The following CHRNA7 variants were observed in gnomAD, a reference collection of about 807,000 sequenced individuals.
CHRNA7 encodes the protein cholinergic receptor nicotinic alpha 7 subunit.
A neutral mutation model predicts 48.0 loss-of-function variants in CHRNA7; 17 were observed. The observed-to-expected ratio is 0.35, with a 90% confidence interval of 0.24 to 0.53. The LOEUF (loss-of-function observed/expected upper bound fraction) is 0.53, where lower values mean the gene tolerates loss of function less well. Among genes scored for constraint, CHRNA7 ranks in the 20% least tolerant of loss-of-function variants. CHRNA7 has a pLI of 0.92. For synonymous variants in CHRNA7, 75 were observed against 242.3 expected (o/e 0.31, Z 6.41); for missense variants, 155 against 577.7 (o/e 0.27, Z 7.50).
intron 2 of CHRNA7, among the ~76,000 whole-genome samples, chr15:32,074,591 C>T (rs1410599969): frequency 1.3e-5 from 2 of 149,968 alleles, no homozygotes; most frequent in African/African-American, 2.4e-5. Flanking sequence ...TCTTGAATTT[C>T]GTCAGATGGT....
intron 4 of CHRNA7, among the ~76,000 whole-genome samples, chr15:32,129,870 C>T (rs1268102629): frequency 6.6e-6 from 1 of 151,868 alleles, no homozygotes; most frequent in Non-Finnish European, 1.5e-5. Context: ...ATTCTTAGCA[C>T]TACCAGCATG....
chr15:32,134,206 T>A (rs2051206336), intron 4 of CHRNA7, among the ~76,000 whole-genome samples: 1 of 151,990 alleles, frequency 6.6e-6, no homozygotes, highest in South Asian at 2.1e-4. Context: ...TCTCCCAGGC[T>A]AGAGTACAGT....
Position 32,101,325 on chromosome 15 carries a change from C to T in CHRNA7, c.218C>T (p.Thr73Ile). Residue 73 changes from threonine (T) to isoleucine (I), a missense_variant, in exon 3 of 10, where the codon ACC (threonine) becomes ATC (isoleucine). By Grantham distance (89) the Thr-to-Ile change is moderately conservative. Transcript: ENST00000306901. ...MDVDEKNQVL[T>I]TNIWLQMSWT... ...AAGGATGAGAAGAACCAAGTTTTAA[C>T]CACCAACATTTGGCTGCAAATGGTA... 1 of 1,571,966 alleles carries T rather than the reference C, an allele frequency of 6.4e-7. No individual in the cohort carries two copies. Among genetic ancestry groups the T allele is most frequent in the Non-Finnish European group, 8.6e-7 (1 of 1,161,734 alleles).
At chr15:32,141,886 T>A (rs2051385959) in intron 4 of CHRNA7, among the ~76,000 whole-genome samples, 1 of 152,234 alleles carries the variant, frequency 6.6e-6, no homozygotes. Context: ...TTTGACTTCC[T>A]CTTTTCCTAT....
chr15:32,062,917 CACTT>C, intron 2 of CHRNA7, among the ~76,000 whole-genome samples: 1 of 152,338 alleles, frequency 6.6e-6, no homozygotes, highest in South Asian at 2.1e-4. Context: ...GCATACTACA[CACTT>C]AGGCTATATG....
chr15:32,113,499 A>C (rs2050797241), intron 4 of CHRNA7, among the ~76,000 whole-genome samples: 1 of 152,196 alleles, frequency 6.6e-6, no homozygotes, highest in South Asian at 2.1e-4. Context: ...GGGTTGAAGA[A>C]GTCTCCGTGT....
chr15:32,053,419 G>A (rs912326784), intron 2 of CHRNA7, among the ~76,000 whole-genome samples: 1 of 152,160 alleles, frequency 6.6e-6, no homozygotes. Context: ...AAGTCATTTG[G>A]CATCTTCTAC....
At chr15:32,063,632 A>C (rs2049915997) in intron 2 of CHRNA7, among the ~76,000 whole-genome samples, 1 of 152,084 alleles carries the variant, frequency 6.6e-6, no homozygotes, top group Non-Finnish European at 1.5e-5. Context: ...GATTGAGCTA[A>C]ATTTTCAGCA....
At chr15:32,137,510 A>G (rs2051293315) in intron 4 of CHRNA7, among the ~76,000 whole-genome samples, 1 of 152,256 alleles carries the variant, frequency 6.6e-6, no homozygotes, top group Non-Finnish European at 1.5e-5. Context: ...TAAGTCCACA[A>G]TTACAGTAGA....
At chr15:32,106,162 A>G (rs1198391452) in intron 3 of CHRNA7, among the ~76,000 whole-genome samples, 2 of 152,180 alleles carry the variant, frequency 1.3e-5, no homozygotes, top group Non-Finnish European at 2.9e-5. Context: ...GAAGCTGGGT[A>G]CTGAAGGCTC....
At chr15:32,038,079 C>T (rs1430078502) in intron 2 of CHRNA7, among the ~76,000 whole-genome samples, 1 of 121,632 alleles carries the variant, frequency 8.2e-6, no homozygotes, top group Non-Finnish European at 1.8e-5. Flanking sequence ...TATAAATATA[C>T]ATATGTACAT....
At chr15:32,124,024 G>A (rs1022696456) in intron 4 of CHRNA7, among the ~76,000 whole-genome samples, 23 of 141,618 alleles carry the variant, frequency 1.6e-4, no homozygotes, top group African/African-American at 6.0e-4. Flanking sequence ...TAGCAGAAAC[G>A]AGTTAAAACA....
In CHRNA7 at chr15:32,118,073, A is replaced by G. The variant is rs2050903611; in HGVS notation, c.350+6174A>G. On this transcript the variant is annotated intron_variant, in intron 4 of 9. Coordinates refer to ENST00000306901, the MANE Select transcript of CHRNA7 (RefSeq NM_000746.6). ...GGGCTCTGCCCTCATGAATGCTTTA[A>G]TCTATTCATGGATTAATGGATCAAT... 2.0e-5 allele frequency among the ~76,000 whole-genome samples: 3 copies of G among 152,188 alleles called. No individual in the cohort carries two copies. The South Asian group carries it at 6.2e-4, about 32-fold the overall frequency.
At chr15:32,136,764 G>A (rs1344145838) in intron 4 of CHRNA7, among the ~76,000 whole-genome samples, 1 of 152,044 alleles carries the variant, frequency 6.6e-6, no homozygotes, top group African/African-American at 2.4e-5. Flanking sequence ...CGGCGCGGTG[G>A]CTGACGCCTG....
intron 2 of CHRNA7, among the ~76,000 whole-genome samples, chr15:32,083,186 T>C (rs998349887): frequency 2.6e-5 from 4 of 152,310 alleles, no homozygotes; most frequent in Middle Eastern, 3.4e-3. Context: ...TAGGAGGTGA[T>C]TAGCTAATAA....
rs559409363 is a variant in CHRNA7, at chr15:32,159,309, T to A, written c.794-260T>A. ...TGAGAGATAATTGTGCCAAGTTAAA[T>A]TTTTCAGTTTGTGTTGATGCTTTTA... On this transcript the variant is annotated intron_variant, in intron 7 of 9. Coordinates refer to ENST00000306901, the MANE Select transcript of CHRNA7 (RefSeq NM_000746.6). 803 of 412,632 alleles carry A rather than the reference T, an allele frequency of 1.9e-3. 3 individuals carry two copies. The highest frequency in any genetic ancestry group is 3.1e-3 in the Non-Finnish European group (674 of 220,096). 25.6% of individuals were successfully genotyped at this position (412,632 alleles called of 1,614,324 possible).
At chr15:32,099,983 C>G (rs2050542876) in intron 2 of CHRNA7, 1 of 152,210 alleles carries the variant, frequency 6.6e-6, no homozygotes. Context: ...CCCAGGCAGC[C>G]CTCTCCTCTC....
At chr15:32,147,934 A>G (rs564647385) in intron 4 of CHRNA7, among the ~76,000 whole-genome samples, 1 of 152,304 alleles carries the variant, frequency 6.6e-6, no homozygotes, top group Admixed American at 6.5e-5. Flanking sequence ...GAATTGGGGA[A>G]TTGGCAGCTT....
chr15:32,037,097 A>G (rs1453368992), intron 2 of CHRNA7, among the ~76,000 whole-genome samples: 1 of 152,156 alleles, frequency 6.6e-6, no homozygotes, highest in Non-Finnish European at 1.5e-5. Context: ...ACTTTGAGTT[A>G]ATTTTTATGA....
Sources: allele counts gnomAD v4.1 joint callset (sites outside exome capture counted in the v4.1 genomes callset), GRCh38; gene constraint gnomAD v4.1.1; transcripts MANE v1.5; gene names NCBI Gene and HGNC (gene_info 2026-07-23, HGNC 2026-07-21).